Variants in C11orf65 observed in about 807,000 individuals in gnomAD.
C11orf65 encodes the protein chromosome 11 open reading frame 65, also known as protein MFI.
Under a neutral mutation model 35.3 loss-of-function variants are expected in C11orf65, and 38 were observed. The ratio of observed to expected loss-of-function variants is 1.08; its 90% CI spans 0.83 to 1.41. The LOEUF (loss-of-function observed/expected upper bound fraction) is 1.41, where lower values mean the gene tolerates loss of function less well. Among genes scored for constraint, C11orf65 ranks in the 40% most tolerant of loss-of-function variants. C11orf65 has a pLI of 0.00. For missense variants in C11orf65, 370 were observed against 367.1 expected (o/e 1.01, Z -0.06); for synonymous variants, 105 against 114.4 (o/e 0.92, Z 0.53).
rs1064795166 is a variant in C11orf65, at chr11:108,326,158, A to G, written c.641-17087T>C. On this transcript the variant is annotated intron_variant, in intron 6 of 6. Coordinates refer to the C11orf65 transcript ENST00000525729. The stretch of plus-strand genomic sequence containing the variant: ...GAAGCACAAGTATTCTGGGCAAAAA[A>G]GGAGCAGAGTCTTGCCCTGAGTATT... 6.2e-7 allele frequency: 1 copy of G among 1,614,090 alleles called. No homozygotes were observed. The highest frequency in any genetic ancestry group is 1.3e-5 in the African/African-American group (1 of 74,948).
At chr11:108,427,923 C>A (rs1357151245) in intron 3 of C11orf65, among the ~76,000 whole-genome samples, 1 of 134,330 alleles carries the variant, frequency 7.4e-6, no homozygotes, top group Non-Finnish European at 1.6e-5. Flanking sequence ...CTCCGCCTCC[C>A]GGGTTCACGC....
intron 2 of C11orf65, among the ~76,000 whole-genome samples, chr11:108,442,548 G>A (rs1043201285): frequency 2.2e-4 from 33 of 152,110 alleles, no homozygotes; most frequent in African/African-American, 8.0e-4. Flanking sequence ...TTGAAATGAA[G>A]GAAAAAATAT....
intron 7 of C11orf65, among the ~76,000 whole-genome samples, chr11:108,387,148 CT>C (rs1175890979): frequency 0.023 from 1,973 of 84,284 alleles, 1 homozygote; most frequent in Middle Eastern, 0.058. Context: ...TTCTTTCTTT[CT>C]TTTTTTTTTT....
chr11:108,362,962 T>TA (rs2090957555), intron 2 of C11orf65, among the ~76,000 whole-genome samples: 3 of 151,524 alleles, frequency 2.0e-5, no homozygotes, highest in African/African-American at 4.9e-5. Context: ...TAAAAAAAAC[T>TA]AAAAAAACAA....
intron 3 of C11orf65, among the ~76,000 whole-genome samples, chr11:108,413,766 TA>T (rs1283994232): frequency 6.6e-6 from 1 of 152,114 alleles, no homozygotes; most frequent in African/African-American, 2.4e-5. Context: ...AACAGAGAGA[TA>T]ACTGGAAAAC....
rs755170556 is a variant in C11orf65, at chr11:108,326,127, C to T, written c.641-17056G>A. The T allele has an allele frequency of 6.2e-7, 1 of 1,613,830 alleles. No individual in the cohort carries two copies. Among genetic ancestry groups the T allele is most frequent in the Non-Finnish European group, 8.5e-7 (1 of 1,179,960 alleles). On this transcript the variant is annotated intron_variant, in intron 6 of 6. Transcript: ENST00000525729. ...TAGCTGTGGAGTCTCTGAGTGGCAG[C>T]TGGAAGAAGCACAAGTATTCTGGGC...
intron 2 of C11orf65, chr11:108,346,507 T>G (rs1391606407): frequency 6.6e-6 from 1 of 152,274 alleles, no homozygotes; most frequent in African/African-American, 2.4e-5. Context: ...TTGTTTTTTT[T>G]TTTTTTAACT....
chr11:108,446,250 G>A (rs1270697285), intron 2 of C11orf65, among the ~76,000 whole-genome samples: 2 of 151,664 alleles, frequency 1.3e-5, no homozygotes, highest in Admixed American at 6.6e-5. Context: ...TAGCAAGGCA[G>A]GCCAACATTC....
chr11:108,373,675 A>G (rs1462927610), intron 2 of C11orf65, among the ~76,000 whole-genome samples: 1 of 152,208 alleles, frequency 6.6e-6, no homozygotes, highest in Non-Finnish European at 1.5e-5. Flanking sequence ...CAGTAGGTGC[A>G]GGACAGTGGG....
chr11:108,345,778 A>C lies in C11orf65; in HGVS notation c.227-10486T>G. ...AAAAGTCTTTTGAAGAGAAATATGA[A>C]GTCTTCATGGATGTTTGCCAAAATT... On this transcript the variant is annotated intron_variant, in intron 2 of 3. Transcript: ENST00000524755. The C allele has an allele frequency of 6.2e-7, 1 of 1,613,288 alleles. No homozygotes were observed. Among genetic ancestry groups the C allele is most frequent in the Non-Finnish European group, 8.5e-7 (1 of 1,179,484 alleles).
At chr11:108,329,695 G>A (rs2086057512), downstream of C11orf65, among the ~76,000 whole-genome samples, 1 of 152,218 alleles carries the variant, frequency 6.6e-6, no homozygotes, top group African/African-American at 2.4e-5. Context: ...ACAGGTGTGA[G>A]GCACTGTGCC....
intron 6 of C11orf65, among the ~76,000 whole-genome samples, chr11:108,404,337 TA>T (rs1464294280): frequency 6.6e-6 from 1 of 152,216 alleles, no homozygotes; most frequent in Non-Finnish European, 1.5e-5. Flanking sequence ...GAATGCAAAA[TA>T]AATGTTGCTG....
At chr11:108,395,279 C>G (rs2092279545) in intron 6 of C11orf65, among the ~76,000 whole-genome samples, 1 of 151,860 alleles carries the variant, frequency 6.6e-6, no homozygotes, top group East Asian at 1.9e-4. Flanking sequence ...TCCCTTGAAT[C>G]CAGGAGTTCA....
intron 1 of C11orf65, among the ~76,000 whole-genome samples, chr11:108,466,016 A>T (rs1292208337): frequency 6.6e-6 from 1 of 151,734 alleles, no homozygotes; most frequent in Non-Finnish European, 1.5e-5. Flanking sequence ...ACAACAAAAA[A>T]CGACAGATTC....
intron 3 of C11orf65, among the ~76,000 whole-genome samples, chr11:108,416,880 T>C (rs988930249): frequency 6.6e-6 from 1 of 152,020 alleles, no homozygotes; most frequent in Non-Finnish European, 1.5e-5. Flanking sequence ...ATAAGATCCA[T>C]CAATAGAGAA....
intron 6 of C11orf65, chr11:108,312,348 T>C (rs1349301954): frequency 4.9e-6 from 6 of 1,219,126 alleles, no homozygotes; most frequent in Non-Finnish European, 7.3e-6. Flanking sequence ...GTCTATAGTA[T>C]ATGTATTCAG....
intron 6 of C11orf65, among the ~76,000 whole-genome samples, chr11:108,314,949 C>A (rs1247789056): frequency 2.0e-5 from 3 of 152,166 alleles, no homozygotes; most frequent in Non-Finnish European, 4.4e-5. Context: ...TTGATATGTA[C>A]TTTAGGCCTC....
intron 3 of C11orf65, among the ~76,000 whole-genome samples, chr11:108,423,093 A>G (rs943009888): frequency 1.3e-5 from 2 of 152,194 alleles, no homozygotes; most frequent in African/African-American, 4.8e-5. Context: ...CAACCTGCAC[A>G]CCAGGAGATT....
In C11orf65 at chr11:108,358,477, C is replaced by T. The variant is rs544258199; in HGVS notation, c.227-23185G>A. Among the ~76,000 whole-genome samples the T allele has an allele frequency of 5.8e-4, 88 of 150,532 alleles. No individual in the cohort carries two copies. The East Asian group carries it at 0.017, about 29-fold the overall frequency. ...AAGATACTCTTTGAGAAGAGCAACT[C>T]CAAGACACATAATTGTCAGATTCAC... On this transcript the variant is annotated intron_variant, in intron 2 of 3. Coordinates refer to the C11orf65 transcript ENST00000524755.
Sources: gnomAD v4.1 joint callset for allele counts (sites outside exome capture counted in the v4.1 genomes callset) on GRCh38, gnomAD v4.1.1 for gene constraint, MANE v1.5 for transcripts, NCBI Gene and HGNC (gene_info 2026-07-23, HGNC 2026-07-21) for gene names.